FGF7: variants seen among roughly 807,000 people sequenced by gnomAD.
The protein encoded by FGF7 is FGF-7.
FGF7 carries 6 observed loss-of-function variants against 20.5 expected under a neutral mutation model. That is an observed-to-expected ratio of 0.29 (90% CI 0.16 to 0.58). The LOEUF is 0.58. Among genes scored for constraint, FGF7 ranks in the 20% least tolerant of loss-of-function variants. The pLI, the probability that FGF7 is intolerant of heterozygous loss-of-function variation, is 0.90. For synonymous variants in FGF7, 64 were observed against 74.7 expected, an observed-to-expected ratio of 0.86 and a Z score of 0.74; for missense variants, 144 against 228.8, an observed-to-expected ratio of 0.63 and a Z score of 2.39.
intron 2 of FGF7, among the ~76,000 whole-genome samples, chr15:49,453,453 G>T (rs2052968988): frequency 6.6e-6 from 1 of 151,966 alleles, no homozygotes; most frequent in Admixed American, 6.6e-5. Flanking sequence ...TTTTGTACAG[G>T]TCCTTCAAAA....
Position 49,424,167 on chromosome 15 carries a change from A to G in FGF7, c.-131A>G. On this transcript the variant is annotated 5_prime_UTR_variant, in exon 2 of 4. Coordinates refer to ENST00000267843, the MANE Select transcript of FGF7 (RefSeq NM_002009.4). Reference sequence around the variant, plus strand: ...AAAAGGATAAGGCTAACAATTTGGAAAGAGCAACTACTCTTTCTTAAATCA... The same window carrying G: ...AAAAGGATAAGGCTAACAATTTGGAGAGAGCAACTACTCTTTCTTAAATCA... The G allele has an allele frequency of 1.3e-6, 1 of 776,420 alleles. No homozygotes were observed. The highest frequency in any genetic ancestry group is 2.1e-6 in the Non-Finnish European group (1 of 483,512). 48.1% of individuals were successfully genotyped at this position (776,420 alleles called of 1,614,324 possible).
At chr15:49,451,451 GTA>G (rs1389018435) in intron 2 of FGF7, among the ~76,000 whole-genome samples, 5 of 152,040 alleles carry the variant, frequency 3.3e-5, no homozygotes, top group East Asian at 1.9e-4. Flanking sequence ...AGACATATAT[GTA>G]TATATGTTTG....
Position 49,484,693 on chromosome 15 carries a change from T to C in FGF7, c.*189T>C. On this transcript the variant is annotated 3_prime_UTR_variant, in exon 4 of 4. Transcript: ENST00000267843. ...TTAAGACACTGCATTAAAGAAAGAT[T>C]TGAAAAGTATACACAAAAATCAGAT... The C allele has an allele frequency of 2.5e-6, 1 of 403,136 alleles. No individual in the cohort carries two copies. The highest frequency in any genetic ancestry group is 4.4e-6 in the Non-Finnish European group (1 of 228,432). The allele number at this position is 403,136 out of a possible 1,614,324, so 25.0% of individuals were successfully genotyped here. A position where few individuals can be genotyped will look rare whatever the true frequency, so the allele number is the denominator to read the frequency against.
At chr15:49,443,894 A>C (rs930616909) in intron 2 of FGF7, among the ~76,000 whole-genome samples, 3 of 149,754 alleles carry the variant, frequency 2.0e-5, no homozygotes, top group Middle Eastern at 3.4e-3. Flanking sequence ...CTATGTGTGC[A>C]TATATATGTA....
chr15:49,471,656 A>G (rs1168439680), intron 2 of FGF7, among the ~76,000 whole-genome samples: 1 of 152,082 alleles, frequency 6.6e-6, no homozygotes, highest in Non-Finnish European at 1.5e-5. Context: ...CTAATCAAGA[A>G]TGGCGAATCT....
chr15:49,480,649 T>C (rs546726025), intron 2 of FGF7, among the ~76,000 whole-genome samples: 1 of 151,822 alleles, frequency 6.6e-6, no homozygotes, highest in Non-Finnish European at 1.5e-5. Flanking sequence ...ACCCGGATAA[T>C]TTTTTGTATT....
intron 2 of FGF7, among the ~76,000 whole-genome samples, chr15:49,446,333 A>T (rs1245552598): frequency 6.6e-6 from 1 of 151,610 alleles, no homozygotes; most frequent in Non-Finnish European, 1.5e-5. Flanking sequence ...AGCACCTTCG[A>T]TGTACAGGTG....
rs1305315195 is a variant in FGF7 at position 49,485,648 on chromosome 15, C to G, written c.*1144C>G. 1 of 152,354 alleles carries G rather than the reference C, an allele frequency of 6.6e-6. No individual in the cohort carries two copies. Among genetic ancestry groups the G allele is most frequent in the African/African-American group, 2.4e-5 (1 of 41,370 alleles). 9.4% of individuals were successfully genotyped at this position (152,354 alleles called of 1,614,324 possible). A position where few individuals can be genotyped will look rare whatever the true frequency, so the allele number is the denominator to read the frequency against. On this transcript the variant is annotated 3_prime_UTR_variant, in exon 4 of 4. Transcript: ENST00000267843. Reference sequence around the variant, plus strand: ...GGCAGACAAAAATAAGAGCCTGAAGCAATGCTTACAATAGATGTCTCACAC... The same window carrying G: ...GGCAGACAAAAATAAGAGCCTGAAGGAATGCTTACAATAGATGTCTCACAC...
At chr15:49,480,063 C>T (rs2055786150) in intron 2 of FGF7, among the ~76,000 whole-genome samples, 1 of 152,124 alleles carries the variant, frequency 6.6e-6, no homozygotes, top group Non-Finnish European at 1.5e-5. Flanking sequence ...ACAAAATAGA[C>T]TAGAAAATAG....
At chr15:49,473,096 C>T (rs1208083507) in intron 2 of FGF7, among the ~76,000 whole-genome samples, 2 of 152,036 alleles carry the variant, frequency 1.3e-5, no homozygotes, top group African/African-American at 2.4e-5. Flanking sequence ...CTTTTTTCAA[C>T]TGAATATTTT....
chr15:49,437,392 T>A (rs939747386), intron 2 of FGF7, among the ~76,000 whole-genome samples: 14 of 151,606 alleles, frequency 9.2e-5, no homozygotes, highest in African/African-American at 4.8e-5. Context: ...TTCTTTCTTT[T>A]GTCCATGTCC....
chr15:49,438,458 A>G (rs1337181127), intron 2 of FGF7, among the ~76,000 whole-genome samples: 1 of 151,750 alleles, frequency 6.6e-6, no homozygotes, highest in East Asian at 1.9e-4. Flanking sequence ...CAGATTGTCA[A>G]TTGCAGAAGA....
intron 2 of FGF7, among the ~76,000 whole-genome samples, chr15:49,448,636 G>A (rs1363854651): frequency 1.3e-5 from 2 of 150,128 alleles, no homozygotes; most frequent in Non-Finnish European, 3.0e-5. Context: ...ATTCTTTGAT[G>A]AGCATATACT....
intron 2 of FGF7, among the ~76,000 whole-genome samples, chr15:49,445,285 T>C (rs1461905407): frequency 6.6e-6 from 1 of 151,628 alleles, no homozygotes; most frequent in African/African-American, 2.4e-5. Context: ...TACCTCCTGC[T>C]AGTAGTTCCC....
At chr15:49,466,717 C>T (rs192544388) in intron 2 of FGF7, among the ~76,000 whole-genome samples, 36 of 152,186 alleles carry the variant, frequency 2.4e-4, no homozygotes, top group Admixed American at 9.2e-4. Flanking sequence ...CAGAAGAGAA[C>T]GGCTGGATAT....
intron 2 of FGF7, among the ~76,000 whole-genome samples, chr15:49,442,973 T>C (rs2051814164): frequency 1.3e-5 from 2 of 151,838 alleles, no homozygotes; most frequent in South Asian, 4.1e-4. Flanking sequence ...ATAGTTTCTA[T>C]CTCGAACTCT....
At chr15:49,475,011 C>G (rs2055128513) in intron 2 of FGF7, among the ~76,000 whole-genome samples, 1 of 151,942 alleles carries the variant, frequency 6.6e-6, no homozygotes, top group African/African-American at 2.4e-5. Context: ...ATAGAATAAA[C>G]TATATTTCAG....
intron 2 of FGF7, among the ~76,000 whole-genome samples, chr15:49,428,979 T>C (rs1384221166): frequency 6.6e-6 from 1 of 152,008 alleles, no homozygotes; most frequent in Non-Finnish European, 1.5e-5. Flanking sequence ...GACTCATTTG[T>C]CAACAATTCT....
At chr15:49,473,109 A>T (rs2151973723) in intron 2 of FGF7, among the ~76,000 whole-genome samples, 1 of 152,248 alleles carries the variant, frequency 6.6e-6, no homozygotes. Flanking sequence ...AATATTTTTT[A>T]AAAACATTTT....
Sources: gnomAD v4.1 joint callset for allele counts (sites outside exome capture counted in the v4.1 genomes callset) on GRCh38, gnomAD v4.1.1 for gene constraint, MANE v1.5 for transcripts, NCBI Gene and HGNC (gene_info 2026-07-23, HGNC 2026-07-21) for gene names.